ANKS1B: variants seen among roughly 807,000 people sequenced by gnomAD.
ANKS1B encodes ankyrin repeat and sterile alpha motif domain-containing protein 1B.
Under a neutral mutation model 148.3 loss-of-function variants are expected in ANKS1B, and 36 were observed. That is an observed-to-expected ratio of 0.24 (90% CI 0.19 to 0.32). The LOEUF (loss-of-function observed/expected upper bound fraction) is 0.32. Ranked by LOEUF, ANKS1B falls within the 10% of genes least tolerant of loss-of-function variation. The pLI, the probability that ANKS1B is intolerant of heterozygous loss-of-function variation, is 1.00. For missense variants in ANKS1B, 1,157 were observed against 1,542.6 expected (o/e 0.75, Z 4.19); for synonymous variants, 542 against 560.8 (o/e 0.97, Z 0.47).
At chr12:99,311,424 G>C (rs540046776) in intron 12 of ANKS1B, among the ~76,000 whole-genome samples, 1 of 152,206 alleles carries the variant, frequency 6.6e-6, no homozygotes, top group African/African-American at 2.4e-5. Context: ...ATCAAAAGAA[G>C]GGCATATATA....
At chr12:98,992,710 G>T (rs540961261) in intron 17 of ANKS1B, among the ~76,000 whole-genome samples, 6 of 152,250 alleles carry the variant, frequency 3.9e-5, no homozygotes, top group African/African-American at 1.2e-4. Flanking sequence ...TCCTTAATGA[G>T]AACTTCCTTG....
chr12:98,877,483 C>T (rs145845800), intron 17 of ANKS1B, among the ~76,000 whole-genome samples: 3 of 152,310 alleles, frequency 2.0e-5, no homozygotes, highest in African/African-American at 7.2e-5. Flanking sequence ...TGAAAACTAA[C>T]GGCGGAAGAA....
At chr12:99,095,132 G>A (rs1268317769) in intron 15 of ANKS1B, among the ~76,000 whole-genome samples, 2 of 152,138 alleles carry the variant, frequency 1.3e-5, no homozygotes, top group African/African-American at 4.8e-5. Flanking sequence ...AAGGTTCTAT[G>A]TGGATACAAC....
At chr12:99,401,476 C>T (rs1015776863) in intron 11 of ANKS1B, among the ~76,000 whole-genome samples, 4 of 146,416 alleles carry the variant, frequency 2.7e-5, no homozygotes, top group Middle Eastern at 3.5e-3. Context: ...TATGATTCCC[C>T]CATTTCTAAT....
chr12:99,790,311 C>T (rs1035180322), intron 4 of ANKS1B, among the ~76,000 whole-genome samples: 2 of 152,122 alleles, frequency 1.3e-5, no homozygotes, highest in Admixed American at 6.6e-5. Context: ...CCTTCCCATA[C>T]GAGCAAAATC....
chr12:98,821,006 G>A (rs1329036847), intron 19 of ANKS1B, among the ~76,000 whole-genome samples: 3 of 152,118 alleles, frequency 2.0e-5, no homozygotes, highest in Admixed American at 6.5e-5. Flanking sequence ...CAACCCAAAC[G>A]TATAGTTTCA....
intron 11 of ANKS1B, among the ~76,000 whole-genome samples, chr12:99,401,034 TTATTCTTTCACCAATATTTCACCAAA>T (rs1228377261): frequency 1.4e-5 from 2 of 144,974 alleles, no homozygotes; most frequent in Admixed American, 1.4e-4. Flanking sequence ...ACAATATGAT[TTATTCTTTCACCAATATTTCACCAAA>T]TATTTTTATG....
chr12:99,692,869 A>T (rs2053329839), intron 8 of ANKS1B, among the ~76,000 whole-genome samples: 1 of 152,160 alleles, frequency 6.6e-6, no homozygotes, highest in Admixed American at 6.5e-5. Context: ...CATCACCTGA[A>T]TGGTGATATC....
At chr12:98,930,165 A>G (rs1166036507) in intron 17 of ANKS1B, among the ~76,000 whole-genome samples, 2 of 152,134 alleles carry the variant, frequency 1.3e-5, no homozygotes, top group Non-Finnish European at 2.9e-5. Flanking sequence ...TATGCAAATA[A>G]CCAATAAACA....
chr12:99,382,574 T>G (rs182315802), intron 12 of ANKS1B, among the ~76,000 whole-genome samples: 11 of 152,018 alleles, frequency 7.2e-5, no homozygotes, highest in African/African-American at 1.2e-4. Context: ...GGCACATGCC[T>G]GTAGTCCCAG....
intron 9 of ANKS1B, among the ~76,000 whole-genome samples, chr12:99,625,140 TG>T (rs1221110871): frequency 6.6e-6 from 1 of 152,090 alleles, no homozygotes; most frequent in Non-Finnish European, 1.5e-5. Context: ...AGCAAATTAA[TG>T]CAGAAACAGA....
intron 14 of ANKS1B, among the ~76,000 whole-genome samples, chr12:99,234,233 T>C (rs978404601): frequency 6.6e-6 from 1 of 152,166 alleles, no homozygotes; most frequent in African/African-American, 2.4e-5. Flanking sequence ...TTTCATTGCC[T>C]GTCCCTTCCC....
At chr12:99,500,815 ATATAT>A (rs1385619620) in intron 10 of ANKS1B, among the ~76,000 whole-genome samples, 6 of 152,092 alleles carry the variant, frequency 3.9e-5, no homozygotes, top group African/African-American at 7.2e-5. Context: ...ACCTCCTCAA[ATATAT>A]TATATTTGTC....
intron 15 of ANKS1B, among the ~76,000 whole-genome samples, chr12:99,153,851 A>C (rs1389144850): frequency 6.6e-6 from 1 of 152,220 alleles, no homozygotes; most frequent in Non-Finnish European, 1.5e-5. Flanking sequence ...AAAAGAAATG[A>C]TCTTCACACC....
intron 4 of ANKS1B, among the ~76,000 whole-genome samples, chr12:99,791,393 C>T (rs1334799990): frequency 2.6e-5 from 4 of 151,846 alleles, no homozygotes; most frequent in Non-Finnish European, 5.9e-5. Context: ...AACAGATAAA[C>T]ATTGGTCTTA....
At chr12:99,810,832 C>G (rs1458241426) in intron 3 of ANKS1B, among the ~76,000 whole-genome samples, 1 of 151,758 alleles carries the variant, frequency 6.6e-6, no homozygotes, top group East Asian at 1.9e-4. Context: ...GATTGTTTTT[C>G]CATTTTATTA....
rs1226444322 is a variant in ANKS1B, at chr12:99,789,445, C to T, written c.670-7348G>A. On this transcript the variant is annotated intron_variant, in intron 4 of 26. Coordinates refer to ENST00000683438, the MANE Select transcript of ANKS1B (RefSeq NM_001352186.2). ...ACCATCCAAGAAAACATGACCTCAC[C>T]GAATGAATTACATAAGGCACCAGGG... is the stretch of plus-strand genomic sequence containing the variant. 3.9e-5 allele frequency among the ~76,000 whole-genome samples: 6 copies of T among 152,010 alleles called. No individual in the cohort carries two copies. In the East Asian group the frequency reaches 5.8e-4, roughly 15 times the overall value.
intron 8 of ANKS1B, among the ~76,000 whole-genome samples, chr12:99,727,970 A>G (rs999409410): frequency 6.6e-5 from 10 of 152,324 alleles, no homozygotes; most frequent in African/African-American, 1.9e-4. Context: ...CCTTCCTTAT[A>G]CCTTTTACAG....
chr12:99,453,023 G>A (rs558645792), intron 10 of ANKS1B, among the ~76,000 whole-genome samples: 56 of 152,334 alleles, frequency 3.7e-4, no homozygotes, highest in African/African-American at 1.3e-3. Flanking sequence ...GGGCACAGTG[G>A]CTCACGCCTG....
Sources: gnomAD v4.1 joint callset for allele counts (sites outside exome capture counted in the v4.1 genomes callset) on GRCh38, gnomAD v4.1.1 for gene constraint, MANE v1.5 for transcripts, NCBI Gene and HGNC (gene_info 2026-07-23, HGNC 2026-07-21) for gene names.